The following RASL10A variants were observed in gnomAD, a reference collection of about 807,000 sequenced individuals.
The protein encoded by RASL10A is ras-like protein family member 10A.
In RASL10A, 13 loss-of-function variants were observed where a neutral mutation model predicts 17.3. The observed-to-expected ratio is 0.75, with a 90% CI of 0.49 to 1.20. The LOEUF is 1.20. RASL10A is among the 50% of genes most tolerant of loss of function. RASL10A has a pLI of 0.00. For synonymous variants in RASL10A, 159 were observed against 142.2 expected (o/e 1.12, Z -0.84); for missense variants, 307 against 310.3 (o/e 0.99, Z 0.08).
rs775261827 is a variant in RASL10A, at chr22:29,313,470, A to G, written c.443T>C (p.Val148Ala). The G allele has an allele frequency of 6.5e-7, 1 of 1,548,050 alleles. No homozygotes were observed. The highest frequency in any genetic ancestry group is 1.9e-5 in the Admixed American group (1 of 52,220). The part of the protein sequence containing the change: ...FGPRRALAAL[V>A]RRGWRCGYLE... The stretch of plus-strand genomic sequence containing the variant: ...GTAGCCGCAGCGCCAGCCCCTGCGC[A>G]CTAGGGCGGCCAGCGCGCGCCGCGG... Residue 148 changes from valine (V) to alanine (A), a missense_variant, in exon 3 of 3, where the codon GTG becomes GCG. By Grantham distance (64) the Val-to-Ala change is moderately conservative (BLOSUM62 0). Coordinates refer to ENST00000216101, the MANE Select transcript of RASL10A (RefSeq NM_006477.5).
At position 29,313,537 on chromosome 22, in the gene RASL10A, C is replaced by A. The variant is rs1285015041; in HGVS notation, c.376G>T (p.Val126Leu). 28 of 1,554,908 alleles carry A rather than the reference C, an allele frequency of 1.8e-5. No homozygotes were observed. The highest frequency in any genetic ancestry group is 2.3e-5 in the Non-Finnish European group (27 of 1,160,450). The change falls in exon 3 of 3, where the codon GTG becomes TTG. Residue 126 changes from valine to leucine, a missense_variant. Coordinates refer to ENST00000216101, the MANE Select transcript of RASL10A (RefSeq NM_006477.5). Reference protein sequence around the residue: ...PAGAPEAPILVVGNKRDRQRL... With the variant: ...PAGAPEAPILLVGNKRDRQRL... ...TGCCTGTCCCGCTTGTTGCCTACCACGAGGATGGGCGCTTCGGGCGCGCCC... is the reference window on the plus strand; with the variant it reads ...TGCCTGTCCCGCTTGTTGCCTACCAAGAGGATGGGCGCTTCGGGCGCGCCC...
intron 1 of RASL10A, among the ~76,000 whole-genome samples, chr22:29,314,506 A>C (rs1033440712): frequency 1.3e-5 from 2 of 152,076 alleles, no homozygotes; most frequent in African/African-American, 2.4e-5. Context: ...GCCCTGCTTA[A>C]TCCTGCCTGC....
intron 1 of RASL10A, chr22:29,314,299 C>T (rs914573225): frequency 1.8e-5 from 6 of 329,484 alleles, no homozygotes; most frequent in Middle Eastern, 9.5e-4. Context: ...GTGCTTACCA[C>T]GGCCTCTAAG....
intron 1 of RASL10A, 54 bp downstream of exon 1, chr22:29,314,974 G>A (rs932818451): frequency 8.9e-6 from 12 of 1,345,294 alleles, no homozygotes; most frequent in Non-Finnish European, 1.2e-5. Context: ...TGTGCACCGA[G>A]CACGCACACC....
At chr22:29,316,109 C>G (rs1435035954), upstream of RASL10A, among the ~76,000 whole-genome samples, 1 of 152,206 alleles carries the variant, frequency 6.6e-6, no homozygotes, top group African/African-American at 2.4e-5. Context: ...GAGGCTCCAA[C>G]CTTTTCTTGA....
chr22:29,314,884 G>C lies in RASL10A; in HGVS notation c.219+144C>G, dbSNP rs151207001. The C allele has an allele frequency of 6.3e-3, 4,460 of 704,916 alleles. 25 individuals carry two copies. The highest frequency in any genetic ancestry group is 8.6e-3 in the Non-Finnish European group (4,036 of 467,926). 43.7% of individuals were successfully genotyped at this position (704,916 alleles called of 1,614,324 possible). ...CCAGGTCGGCGGGAAGGGCTGAAAC[G>C]CAAGTATCCCAGGACGCACACACAT... is the stretch of plus-strand genomic sequence containing the variant. On this transcript the variant is annotated intron_variant, in intron 1 of 2. Coordinates refer to ENST00000216101, the MANE Select transcript of RASL10A (RefSeq NM_006477.5).
At chr22:29,313,646 G>T (rs1441463672) in intron 2 of RASL10A, 78 bp from the exon 3 acceptor site, 4 of 1,442,422 alleles carry the variant, frequency 2.8e-6, no homozygotes, top group Non-Finnish European at 3.6e-6. Context: ...ACACGCAGGC[G>T]CATTCCCTTC....
upstream of RASL10A, among the ~76,000 whole-genome samples, chr22:29,318,710 GC>G (rs2061464109): frequency 6.6e-6 from 1 of 152,118 alleles, no homozygotes; most frequent in Non-Finnish European, 1.5e-5. Context: ...CCTGCCTGCT[GC>G]CCCCCTCCAA....
rs1424276467 is a variant in RASL10A, at chr22:29,313,251, G to C, written c.*50C>G. 14 of 1,445,884 alleles carry C rather than the reference G, an allele frequency of 9.7e-6. No homozygotes were observed. The Admixed American group carries it at 2.8e-4, about 29-fold the overall frequency. The allele number at this position is 1,445,884 out of a possible 1,614,324, so 89.6% of individuals were successfully genotyped here. Reference sequence around the variant, plus strand: ...GCGATCCCGTCCAATCCAGGTCCCTGATTGTCCCAGTCACAAGGTGGGGCC... The same window carrying C: ...GCGATCCCGTCCAATCCAGGTCCCTCATTGTCCCAGTCACAAGGTGGGGCC... On this transcript the variant is annotated 3_prime_UTR_variant, in exon 3 of 3. Transcript: ENST00000216101.
upstream of RASL10A, among the ~76,000 whole-genome samples, chr22:29,318,351 GA>G (rs1413638869): frequency 6.6e-6 from 1 of 152,236 alleles, no homozygotes; most frequent in African/African-American, 2.4e-5. Context: ...TGCCTAGCAG[GA>G]AAATGGCAGC....
At chr22:29,317,615 A>G (rs1278162163), upstream of RASL10A, among the ~76,000 whole-genome samples, 1 of 152,200 alleles carries the variant, frequency 6.6e-6, no homozygotes, top group Non-Finnish European at 1.5e-5. Context: ...CAAGGCAAGG[A>G]GTAAATAACA....
At chr22:29,314,232 C>T (rs1214623378) in intron 1 of RASL10A, 1 of 483,088 alleles carries the variant, frequency 2.1e-6, no homozygotes, top group East Asian at 3.6e-5. Context: ...CCCGAATCTT[C>T]CTCTTTTCAG....
In RASL10A at chr22:29,314,792, C is replaced by G. The variant is rs554321015; in HGVS notation, c.219+236G>C. ...CAGCCGAGGCAGGCAAAGGTGGAGG[C>G]GCTCACAGGAGCAAGGGAACGCCCC... On this transcript the variant is annotated intron_variant, in intron 1 of 2. Coordinates refer to ENST00000216101, the MANE Select transcript of RASL10A (RefSeq NM_006477.5). 5.9e-5 allele frequency among the ~76,000 whole-genome samples: 9 copies of G among 152,270 alleles called. No homozygotes were observed. The East Asian group carries it at 1.7e-3, about 29-fold the overall frequency.
At position 29,315,339 on chromosome 22, in the gene RASL10A, C is replaced by A. The variant is rs1357202610; in HGVS notation, c.-93G>T. 2 of 844,276 alleles carry A rather than the reference C, an allele frequency of 2.4e-6. No homozygotes were observed. The highest frequency in any genetic ancestry group is 5.8e-5 in the South Asian group (1 of 17,176). The allele number at this position is 844,276 out of a possible 1,614,324, so 52.3% of individuals were successfully genotyped here. Reference sequence around the variant, plus strand: ...AGGCCGTGCGCCCCGCGCGCCCTGCCCGGTGCGCCACGGCCCCGTCGCGCT... The same window carrying A: ...AGGCCGTGCGCCCCGCGCGCCCTGCACGGTGCGCCACGGCCCCGTCGCGCT... On this transcript the variant is annotated 5_prime_UTR_variant, in exon 1 of 3. Transcript: ENST00000216101. This position sits in a 1 kb window ranked among gnomAD's most constrained non-coding sequence, Gnocchi z 5.5.
At position 29,313,525 on chromosome 22, in the gene RASL10A, T is replaced by C; in HGVS notation, c.388A>G (p.Lys130Glu). ...PEAPILVVGN[K>E]RDRQRLRFGP... ...AAGCGCAGCCGCTGCCTGTCCCGCT[T>C]GTTGCCTACCACGAGGATGGGCGCT... The change falls in exon 3 of 3, where the codon AAG (lysine) becomes GAG (glutamate). Residue 130 changes from lysine (K) to glutamate (E), a missense_variant. Physicochemically the swap from Lys to Glu is moderately conservative, Grantham distance 56. Coordinates refer to ENST00000216101, the MANE Select transcript of RASL10A (RefSeq NM_006477.5). 1 of 1,570,720 alleles carries C rather than the reference T, an allele frequency of 6.4e-7. No homozygotes were observed.
chr22:29,318,272 A>T (rs2061462439), upstream of RASL10A, among the ~76,000 whole-genome samples: 1 of 152,166 alleles, frequency 6.6e-6, no homozygotes, highest in Admixed American at 6.5e-5. Flanking sequence ...AGGGCCTGCG[A>T]TGTGCCAAGC....
Position 29,313,939 on chromosome 22 carries a change from C to G in RASL10A, c.268G>C (p.Val90Leu). ...DWSLQDTDAF[V>L]LVYDICSPDS... ...GGGCTGCAGATGTCGTAGACGAGCA[C>G]GAAGGCGTCCGTGTCCTGCAAGCTC... The change falls in exon 2 of 3, where the codon GTG becomes CTG. Residue 90 changes from valine to leucine, a missense_variant. Val to Leu is a conservative substitution (Grantham distance 32). Transcript: ENST00000216101. 6.2e-7 allele frequency: 1 copy of G among 1,613,936 alleles called. No homozygotes were observed. The highest frequency in any genetic ancestry group is 8.5e-7 in the Non-Finnish European group (1 of 1,180,038).
At chr22:29,314,802 A>C (rs1416753293) in intron 1 of RASL10A, among the ~76,000 whole-genome samples, 1 of 151,996 alleles carries the variant, frequency 6.6e-6, no homozygotes, top group Admixed American at 6.6e-5. Context: ...CGCTCACAGG[A>C]GCAAGGGAAC....
At chr22:29,318,016 C>T (rs2061461535), upstream of RASL10A, among the ~76,000 whole-genome samples, 1 of 152,190 alleles carries the variant, frequency 6.6e-6, no homozygotes, top group Non-Finnish European at 1.5e-5. Flanking sequence ...GTTCTCAATG[C>T]TAGGCGCACT....
Sources: allele counts gnomAD v4.1 joint callset (sites outside exome capture counted in the v4.1 genomes callset), GRCh38; gene constraint gnomAD v4.1.1; non-coding constraint Gnocchi (gnomAD v3.1); transcripts MANE v1.5; gene names NCBI Gene and HGNC (gene_info 2026-07-23, HGNC 2026-07-21).